The following SLIT2 variants were observed in gnomAD, a reference collection of about 807,000 sequenced individuals.
The protein encoded by SLIT2 is slit guidance ligand 2.
In SLIT2, 41 loss-of-function variants were observed where a neutral mutation model predicts 185.7. That is an observed-to-expected ratio of 0.22 (90% CI 0.17 to 0.29). The LOEUF is 0.29. Among genes scored for constraint, SLIT2 ranks in the 10% least tolerant of loss-of-function variants. The probability of loss-of-function intolerance (pLI) is 1.00; values close to 1 mark genes in which losing one functional copy is unlikely to be tolerated. For synonymous variants in SLIT2, 693 were observed against 680.2 expected, an observed-to-expected ratio of 1.02 and a Z score of -0.29; for missense variants, 1,571 against 1,909.0, an observed-to-expected ratio of 0.82 and a Z score of 3.30.
chr4:20,303,548 C>T (rs1377353795), intron 4 of SLIT2, among the ~76,000 whole-genome samples: 1 of 151,908 alleles, frequency 6.6e-6, no homozygotes, highest in African/African-American at 2.4e-5. Context: ...TCTTTCTTTT[C>T]CTCCTTTGTA....
intron 20 of SLIT2, 29 bp from the exon 21 acceptor site, chr4:20,542,465 G>T (rs551429471): frequency 1.2e-6 from 2 of 1,610,962 alleles, no homozygotes; most frequent in African/African-American, 1.3e-5. Context: ...CACAAATCTT[G>T]GTTTTCCTGT....
intron 29 of SLIT2, among the ~76,000 whole-genome samples, chr4:20,578,609 A>G (rs1450858369): frequency 1.3e-5 from 2 of 152,208 alleles, no homozygotes; most frequent in Admixed American, 1.3e-4. Flanking sequence ...GATATCCAGA[A>G]TGGACTCAGA....
chr4:20,291,560 T>A (rs1577379373), intron 4 of SLIT2, among the ~76,000 whole-genome samples: 1 of 140,244 alleles, frequency 7.1e-6, no homozygotes, highest in Admixed American at 7.5e-5. Flanking sequence ...GTCCTAAATG[T>A]AGGAACAAAA....
chr4:20,615,395 T>A (rs1358161250), intron 34 of SLIT2: 1 of 152,174 alleles, frequency 6.6e-6, no homozygotes, highest in Non-Finnish European at 1.5e-5. Flanking sequence ...CTGAGCTGCA[T>A]GTAGATATTT....
intron 25 of SLIT2, among the ~76,000 whole-genome samples, chr4:20,551,978 AGTCTATCAGACTGGTGCC>A (rs1247817035): frequency 1.3e-5 from 2 of 152,204 alleles, no homozygotes; most frequent in African/African-American, 4.8e-5. Context: ...TTTGTACATC[AGTCTATCAGACTGGTGCC>A]TATTAATATT....
chr4:20,408,740 T>C (rs567317121), intron 4 of SLIT2, among the ~76,000 whole-genome samples: 1 of 152,120 alleles, frequency 6.6e-6, no homozygotes, highest in African/African-American at 2.4e-5. Flanking sequence ...CTGAGAAGCC[T>C]AGGGGACAGA....
chr4:20,542,260 G>A (rs1722860954), intron 20 of SLIT2, among the ~76,000 whole-genome samples: 1 of 152,048 alleles, frequency 6.6e-6, no homozygotes, highest in African/African-American at 2.4e-5. Flanking sequence ...ATTGGTAATT[G>A]TAATTACAGT....
In SLIT2 at chr4:20,524,100, G is replaced by A; in HGVS notation, c.1361G>A (p.Gly454Asp). 1.2e-6 allele frequency: 2 copies of A among 1,614,150 alleles called. No individual in the cohort carries two copies. The highest frequency in any genetic ancestry group is 1.7e-6 in the Non-Finnish European group (2 of 1,180,018). The change falls in exon 14 of 37, where the codon GGT becomes GAT. Residue 454 changes from glycine (G) to aspartate (D), a missense_variant. Coordinates refer to ENST00000504154, the MANE Select transcript of SLIT2 (RefSeq NM_004787.4). ...CATACCAACCCGATTGAGACCAGTG[G>A]TGCCCGTTGCACCAGCCCCCGCCGC... The part of the protein sequence containing the change: ...YLHTNPIETS[G>D]ARCTSPRRLA...
At position 20,489,001 on chromosome 4, in the gene SLIT2, T is replaced by G. The variant is rs750067561; in HGVS notation, c.775+19T>G. Reference sequence around the variant, plus strand: ...TGCAGTGGTAAGGGAGAAGGAAGAGTGATGTTATTGTGTTTATTGTATCCT... The same window carrying G: ...TGCAGTGGTAAGGGAGAAGGAAGAGGGATGTTATTGTGTTTATTGTATCCT... On this transcript the variant is annotated intron_variant, in intron 8 of 36. Coordinates refer to ENST00000504154, the MANE Select transcript of SLIT2 (RefSeq NM_004787.4). The G allele has an allele frequency of 5.7e-6, 9 of 1,591,610 alleles. No individual in the cohort carries two copies. The East Asian group carries it at 1.4e-4, about 24-fold the overall frequency.
At chr4:20,554,389 C>A (rs1043845451) in intron 26 of SLIT2, 10 of 456,926 alleles carry the variant, frequency 2.2e-5, no homozygotes, top group African/African-American at 1.8e-4. Flanking sequence ...CCTTCTGACT[C>A]GCCTTATGTG....
intron 9 of SLIT2, among the ~76,000 whole-genome samples, chr4:20,501,196 T>C (rs1422991193): frequency 6.6e-6 from 1 of 152,208 alleles, no homozygotes; most frequent in Non-Finnish European, 1.5e-5. Flanking sequence ...AGAAAATATT[T>C]TGGCTTCCTA....
At position 20,489,090 on chromosome 4, in the gene SLIT2, A is replaced by G; in HGVS notation, c.775+108A>G. On this transcript the variant is annotated intron_variant, in intron 8 of 36. Transcript: ENST00000504154. The stretch of plus-strand genomic sequence containing the variant: ...TTTCAGTATTGTTCACTAATGTTCA[A>G]TTGTGCACTAATCACTCTACAGAGA... The G allele has an allele frequency of 5.3e-6, 4 of 754,266 alleles. No individual in the cohort carries two copies. The South Asian group carries it at 8.8e-5, about 17-fold the overall frequency. 46.7% of individuals were successfully genotyped at this position (754,266 alleles called of 1,614,324 possible). A position where few individuals can be genotyped will look rare whatever the true frequency, so the allele number is the denominator to read the frequency against.
intron 4 of SLIT2, among the ~76,000 whole-genome samples, chr4:20,305,872 A>AAATAATAATAAT (rs56164214): frequency 2.2e-5 from 3 of 136,500 alleles, no homozygotes; most frequent in Admixed American, 7.4e-5. Context: ...GACTGTCTCA[A>AAATAATAATAAT]AATAATAATA....
chr4:20,264,848 A>G (rs1023896053), intron 3 of SLIT2, among the ~76,000 whole-genome samples: 13 of 151,940 alleles, frequency 8.6e-5, no homozygotes, highest in Non-Finnish European at 1.9e-4. Context: ...GTGAATTGCC[A>G]TCTAGAGAAT....
At chr4:20,511,923 T>G (rs1719792659) in intron 11 of SLIT2, among the ~76,000 whole-genome samples, 1 of 151,800 alleles carries the variant, frequency 6.6e-6, no homozygotes, top group Admixed American at 6.6e-5. Context: ...TTTTAATCTC[T>G]CAAAGAACAA....
intron 4 of SLIT2, among the ~76,000 whole-genome samples, chr4:20,320,928 T>C (rs751217525): frequency 8.6e-5 from 13 of 151,846 alleles, no homozygotes; most frequent in African/African-American, 3.1e-4. Flanking sequence ...CTTTGGGAGG[T>C]TGAGGCAAGC....
At chr4:20,571,062 A>G (rs1725563986) in intron 29 of SLIT2, among the ~76,000 whole-genome samples, 1 of 151,964 alleles carries the variant, frequency 6.6e-6, no homozygotes, top group Non-Finnish European at 1.5e-5. Context: ...ATGAAGCCTC[A>G]CTTCCCCAAC....
At chr4:20,598,492 G>A (rs1025750765) in intron 33 of SLIT2, 97 bp downstream of exon 33, 5 of 1,433,654 alleles carry the variant, frequency 3.5e-6, no homozygotes, top group Non-Finnish European at 4.8e-6. Context: ...GAGAGACTAA[G>A]TTGGCCCCAG....
intron 4 of SLIT2, among the ~76,000 whole-genome samples, chr4:20,420,896 G>A (rs932367637): frequency 6.6e-6 from 1 of 152,102 alleles, no homozygotes; most frequent in Non-Finnish European, 1.5e-5. Context: ...AGAAAGCCAG[G>A]AAGAAAGCCC....
Sources: allele counts gnomAD v4.1 joint callset (sites outside exome capture counted in the v4.1 genomes callset), GRCh38; gene constraint gnomAD v4.1.1; transcripts MANE v1.5; gene names NCBI Gene and HGNC (gene_info 2026-07-23, HGNC 2026-07-21).